ITSN2: variants seen among roughly 807,000 people sequenced by gnomAD.
ITSN2 encodes intersectin 2, also known as intersectin-2.
In ITSN2, 156 loss-of-function variants were observed where a neutral mutation model predicts 243.7. The ratio of observed to expected loss-of-function variants is 0.64; its 90% CI spans 0.56 to 0.73. The LOEUF (loss-of-function observed/expected upper bound fraction) is 0.73, where lower values mean the gene tolerates loss of function less well. ITSN2 is among the 30% of genes least tolerant of loss of function. The pLI, the probability that ITSN2 is intolerant of heterozygous loss-of-function variation, is 0.00. For missense variants in ITSN2, 1,801 were observed against 1,996.1 expected, an observed-to-expected ratio of 0.90 and a Z score of 1.86; for synonymous variants, 703 against 699.9, an observed-to-expected ratio of 1.00 and a Z score of -0.07.
chr2:24,255,091 T>G (rs981848029), intron 23 of ITSN2, among the ~76,000 whole-genome samples: 1 of 152,216 alleles, frequency 6.6e-6, no homozygotes, highest in Non-Finnish European at 1.5e-5. Context: ...TCTCCATTAC[T>G]GCAGGTTTTC....
At chr2:24,300,217 C>T in intron 11 of ITSN2, 46 bp from the exon 12 acceptor site, 2 of 1,589,470 alleles carry the variant, frequency 1.3e-6, no homozygotes, top group South Asian at 1.1e-5. Flanking sequence ...TAACAGCCTA[C>T]AGAACCTGTA....
intron 30 of ITSN2, among the ~76,000 whole-genome samples, chr2:24,220,103 A>C (rs1670304305): frequency 6.6e-6 from 1 of 152,170 alleles, no homozygotes; most frequent in Admixed American, 6.5e-5. Context: ...TTTAAGGTGG[A>C]GAGTGAATCC....
At chr2:24,304,545 C>T (rs1034993695) in intron 8 of ITSN2, among the ~76,000 whole-genome samples, 3 of 152,072 alleles carry the variant, frequency 2.0e-5, no homozygotes, top group African/African-American at 7.2e-5. Context: ...GGAAATTAAA[C>T]TCACAGCCTC....
intron 32 of ITSN2, among the ~76,000 whole-genome samples, chr2:24,213,223 T>C (rs1669662845): frequency 6.6e-6 from 1 of 152,130 alleles, no homozygotes; most frequent in South Asian, 2.1e-4. Context: ...CCTTCCCTCC[T>C]TTCCATGACC....
intron 13 of ITSN2, among the ~76,000 whole-genome samples, chr2:24,298,291 G>A (rs1245415995): frequency 6.6e-6 from 1 of 152,130 alleles, no homozygotes; most frequent in Non-Finnish European, 1.5e-5. Context: ...CCAAGTAGCT[G>A]GGACTACAGG....
At chr2:24,288,631 AACCTCACATACTT>A (rs762071974) in intron 15 of ITSN2, among the ~76,000 whole-genome samples, 8 of 152,286 alleles carry the variant, frequency 5.3e-5, no homozygotes, top group East Asian at 3.9e-4. Flanking sequence ...TCAGCTAATT[AACCTCACATACTT>A]ACCTCACATA....
chr2:24,289,773 T>C lies in ITSN2; in HGVS notation c.1724-3422A>G, dbSNP rs116178277. ...GCCCAACACAAATTCATAAACTTTCTTAAAACATTATGAGATTTTTTTTAG... is the reference window on the plus strand; with the variant it reads ...GCCCAACACAAATTCATAAACTTTCCTAAAACATTATGAGATTTTTTTTAG... On this transcript the variant is annotated intron_variant, in intron 15 of 39. Coordinates refer to ENST00000355123, the MANE Select transcript of ITSN2 (RefSeq NM_006277.3). Among the ~76,000 whole-genome samples, 1,107 of 152,308 alleles carry C rather than the reference T, an allele frequency of 7.3e-3. 9 individuals carry two copies. Among genetic ancestry groups the C allele is most frequent in the African/African-American group, 0.026 (1,066 of 41,550 alleles).
intron 1 of ITSN2, among the ~76,000 whole-genome samples, chr2:24,343,734 G>C (rs1687271958): frequency 6.6e-6 from 1 of 152,162 alleles, no homozygotes; most frequent in South Asian, 2.1e-4. Flanking sequence ...ATGCGGTTTA[G>C]AGACACAACC....
Position 24,272,554 on chromosome 2 carries a change from C to T in ITSN2, c.2082-613G>A, listed in dbSNP as rs370685411. 3.3e-4 allele frequency among the ~76,000 whole-genome samples: 50 copies of T among 151,916 alleles called. 1 individual carries two copies. In the South Asian group the frequency reaches 9.4e-3, roughly 28 times the overall value. On this transcript the variant is annotated intron_variant, in intron 18 of 39. Transcript: ENST00000355123. The stretch of plus-strand genomic sequence containing the variant: ...TCAAGTGATCCTCCTGCCTCAGCCT[C>T]CAAAGTAGCTAGCACTACAGGCACA...
chr2:24,327,962 A>G (rs895967366), intron 2 of ITSN2, 90 bp downstream of exon 2: 2 of 1,226,184 alleles, frequency 1.6e-6, no homozygotes, highest in Non-Finnish European at 2.3e-6. Flanking sequence ...TATACACTTA[A>G]GGAAAATTAT....
rs1574042779 is a variant in ITSN2, at chr2:24,257,868, A to T, written c.2888+20T>A. ...AAATACCAACATCCACATCTCATGA[A>T]AACACATAAAGATGCTTACTCTTCC... On this transcript the variant is annotated intron_variant, in intron 23 of 39. Transcript: ENST00000355123. 1 of 1,580,672 alleles carries T rather than the reference A, an allele frequency of 6.3e-7. No individual in the cohort carries two copies. Among genetic ancestry groups the T allele is most frequent in the South Asian group, 1.1e-5 (1 of 90,252 alleles).
chr2:24,282,525 T>A (rs1245878792), intron 17 of ITSN2, among the ~76,000 whole-genome samples: 1 of 152,164 alleles, frequency 6.6e-6, no homozygotes, highest in Non-Finnish European at 1.5e-5. Context: ...GTCCTTGTGA[T>A]AAGGAAGGGG....
At chr2:24,284,691 G>T in intron 17 of ITSN2, 72 bp downstream of exon 17, 2 of 870,506 alleles carry the variant, frequency 2.3e-6, no homozygotes, top group African/African-American at 1.7e-5. Flanking sequence ...TAAAGGCAAA[G>T]AATAGTCTAG....
intron 29 of ITSN2, 37 bp from the exon 30 acceptor site, chr2:24,221,103 A>G (rs1465931679): frequency 6.3e-7 from 1 of 1,587,296 alleles, no homozygotes; most frequent in Non-Finnish European, 8.5e-7. Context: ...ATATTACTTT[A>G]GTCAACTTTG....
rs756064821 is a variant in ITSN2 at position 24,301,241 on chromosome 2, T to TA, written c.996-3dup. ...ATGGAATCAATTTGCTTTCCTCCTCTAAAAAAATCAAACAACAAAGTTAGC... is the reference window on the plus strand; with the variant it reads ...ATGGAATCAATTTGCTTTCCTCCTCTAAAAAAAATCAAACAACAAAGTTAGC... On this transcript the variant is annotated splice_region_variant and splice_polypyrimidine_tract_variant and intron_variant, in intron 10 of 39. Transcript: ENST00000355123. 4.4e-6 allele frequency: 7 copies of TA among 1,594,066 alleles called. No homozygotes were observed. The highest frequency in any genetic ancestry group is 5.1e-6 in the Non-Finnish European group (6 of 1,165,170).
At chr2:24,351,285 C>T (rs569194383) in intron 1 of ITSN2, among the ~76,000 whole-genome samples, 10 of 152,308 alleles carry the variant, frequency 6.6e-5, no homozygotes, top group Non-Finnish European at 1.2e-4. Context: ...ACGCCTGCCC[C>T]GCTTCTATTA....
intron 7 of ITSN2, among the ~76,000 whole-genome samples, chr2:24,310,044 T>C (rs1446550671): frequency 1.3e-5 from 2 of 152,178 alleles, no homozygotes; most frequent in African/African-American, 2.4e-5. Context: ...AATTAAAATA[T>C]AGAATATTTT....
At chr2:24,254,741 G>T (rs1317310472) in intron 23 of ITSN2, among the ~76,000 whole-genome samples, 1 of 152,026 alleles carries the variant, frequency 6.6e-6, no homozygotes, top group Non-Finnish European at 1.5e-5. Flanking sequence ...TTGTTAAGTG[G>T]TAAGCACATA....
At chr2:24,279,157 T>C (rs557051162) in intron 17 of ITSN2, among the ~76,000 whole-genome samples, 2 of 152,226 alleles carry the variant, frequency 1.3e-5, no homozygotes, top group Admixed American at 6.5e-5. Flanking sequence ...CTTTTCTGTA[T>C]GTTAAATCAT....
Sources: allele counts gnomAD v4.1 joint callset (sites outside exome capture counted in the v4.1 genomes callset), GRCh38; gene constraint gnomAD v4.1.1; transcripts MANE v1.5; gene names NCBI Gene and HGNC (gene_info 2026-07-23, HGNC 2026-07-21).